The following FAS variants were observed in gnomAD, a reference collection of about 807,000 sequenced individuals.
FAS encodes the protein Fas cell surface death receptor.
FAS carries 5 observed loss-of-function variants against 33.2 expected under a neutral mutation model. The observed-to-expected ratio is 0.15, with a 90% CI of 0.08 to 0.32. The LOEUF (loss-of-function observed/expected upper bound fraction) is 0.32. FAS is among the 10% of genes least tolerant of loss of function. FAS has a pLI of 1.00. For missense variants in FAS, 339 were observed against 386.0 expected, an observed-to-expected ratio of 0.88 and a Z score of 1.02; for synonymous variants, 131 against 130.7, an observed-to-expected ratio of 1.00 and a Z score of -0.01.
intron 2 of FAS, among the ~76,000 whole-genome samples, chr10:88,976,739 A>C (rs1361373058): frequency 1.3e-5 from 2 of 152,260 alleles, no homozygotes; most frequent in Non-Finnish European, 2.9e-5. Flanking sequence ...CTATGATAGA[A>C]ATAAAGTGTT....
At position 89,016,122 on chromosome 10, in the gene FAS, T is replaced by C. The variant is rs909552138; in HGVS notation, c.*1672T>C. The C allele has an allele frequency of 3.6e-5, 8 of 223,682 alleles. No homozygotes were observed. Among genetic ancestry groups the C allele is most frequent in the African/African-American group, 1.8e-4 (8 of 44,718 alleles). 13.9% of individuals were successfully genotyped at this position (223,682 alleles called of 1,614,324 possible). A position where few individuals can be genotyped will look rare whatever the true frequency, so the allele number is the denominator to read the frequency against. ...ATTCTTTCCTGCATATTATCCATTC[T>C]AGCTACATGCTGGCCAGTGGGCCAC... On this transcript the variant is annotated 3_prime_UTR_variant, in exon 9 of 9. Transcript: ENST00000652046.
At position 89,016,387 on chromosome 10, in the gene FAS, T is replaced by C; in HGVS notation, c.*1937T>C. On this transcript the variant is annotated 3_prime_UTR_variant, in exon 9 of 9. Coordinates refer to ENST00000652046, the MANE Select transcript of FAS (RefSeq NM_000043.6). Reference sequence around the variant, plus strand: ...GTGCTGTCTGCTCTCCAGTTTTCTATTTCTAGACAGAAGTAGGGCAAGTTA... The same window carrying C: ...GTGCTGTCTGCTCTCCAGTTTTCTACTTCTAGACAGAAGTAGGGCAAGTTA... 4.6e-6 allele frequency: 1 copy of C among 218,652 alleles called. No homozygotes were observed. The highest frequency in any genetic ancestry group is 9.2e-6 in the Non-Finnish European group (1 of 108,818). 13.5% of individuals were successfully genotyped at this position (218,652 alleles called of 1,614,324 possible).
intron 1 of FAS, among the ~76,000 whole-genome samples, chr10:88,996,038 C>T (rs918971524): frequency 7.2e-5 from 11 of 152,134 alleles, no homozygotes; most frequent in African/African-American, 2.7e-4. Context: ...GATAGCCTGT[C>T]CTTCAATGAA....
chr10:89,010,645 T>C (rs1326273820), intron 5 of FAS, 45 bp downstream of exon 5: 6 of 1,606,146 alleles, frequency 3.7e-6, no homozygotes, highest in African/African-American at 1.3e-5. Context: ...CCCAACCCCA[T>C]GGAAAGATGT....
chr10:89,014,045 G>A, intron 8 of FAS, 74 bp from the exon 9 acceptor site: 1 of 1,466,520 alleles, frequency 6.8e-7, no homozygotes, highest in Non-Finnish European at 9.4e-7. Flanking sequence ...TATAAAAAGA[G>A]AAATAAACAT....
At chr10:89,002,990 A>G in intron 1 of FAS, 39 bp from the exon 2 acceptor site, 1 of 1,612,724 alleles carries the variant, frequency 6.2e-7, no homozygotes. Context: ...TGCTTACTTC[A>G]GAAATCAATA....
chr10:88,993,835 C>T (rs1847419142), intron 1 of FAS, among the ~76,000 whole-genome samples: 1 of 152,088 alleles, frequency 6.6e-6, no homozygotes, highest in South Asian at 2.1e-4. Context: ...ATATTTACAT[C>T]ACAAAGGACT....
intron 1 of FAS, among the ~76,000 whole-genome samples, chr10:88,964,840 C>A (rs918759469): frequency 2.0e-5 from 3 of 152,092 alleles, no homozygotes; most frequent in Admixed American, 6.6e-5. Flanking sequence ...AAGGAGGCAC[C>A]CGTTCTGCTG....
chr10:89,012,950 T>C (rs377496699), intron 7 of FAS: 1 of 156,274 alleles, frequency 6.4e-6, no homozygotes, highest in African/African-American at 2.4e-5. Context: ...TTTAAATTAA[T>C]ATGGTAAAAA....
Position 88,990,809 on chromosome 10 carries a change from C to A in FAS, c.-68C>A, listed in dbSNP as rs755421023. 9 of 1,608,058 alleles carry A rather than the reference C, an allele frequency of 5.6e-6. No individual in the cohort carries two copies. On this transcript the variant is annotated 5_prime_UTR_variant, in exon 1 of 9. Transcript: ENST00000652046. The surrounding 1 kb of genome is among the most constrained non-coding windows in gnomAD (Gnocchi z 4.9). ...CCAGGCGGAGCTGCCTCTTCTCCCG[C>A]GGGTTGGTGGACCCGCTCAGTACGG...
At position 89,014,208 on chromosome 10, in the gene FAS, G is replaced by A. The variant is rs2119445876; in HGVS notation, c.766G>A (p.Glu256Lys). 1 of 1,613,894 alleles carries A rather than the reference G, an allele frequency of 6.2e-7. No homozygotes were observed. The highest frequency in any genetic ancestry group is 8.5e-7 in the Non-Finnish European group (1 of 1,179,914). Residue 256 changes from glutamate (E) to lysine (K), a missense_variant, in exon 9 of 9, where the codon GAA becomes AAA. Glu to Lys is a moderately conservative substitution (Grantham distance 56, BLOSUM62 1). Coordinates refer to ENST00000652046, the MANE Select transcript of FAS (RefSeq NM_000043.6). ...CTTTGTTCGAAAGAATGGTGTCAAT[G>A]AAGCCAAAATAGATGAGATCAAGAA... ...KGFVRKNGVN[E>K]AKIDEIKNDN...
At chr10:89,010,713 G>T in intron 5 of FAS, 40 bp from the exon 6 acceptor site, 1 of 1,612,158 alleles carries the variant, frequency 6.2e-7, no homozygotes, top group Non-Finnish European at 8.5e-7. Context: ...CTTAAAGATT[G>T]CTTATTTTCA....
chr10:89,013,300 T>C (rs1380919138), intron 7 of FAS, 43 bp from the exon 8 acceptor site: 2 of 1,577,712 alleles, frequency 1.3e-6, no homozygotes. Flanking sequence ...TCTAAAGATA[T>C]ATTTTTATTT....
intron 4 of FAS, among the ~76,000 whole-genome samples, chr10:89,010,275 C>T (rs932098659): frequency 3.9e-5 from 6 of 152,162 alleles, no homozygotes; most frequent in African/African-American, 1.4e-4. Flanking sequence ...CACTTCATCT[C>T]TCTTGTGTGT....
intron 2 of FAS, among the ~76,000 whole-genome samples, chr10:89,005,954 T>C (rs933605589): frequency 1.3e-5 from 2 of 152,220 alleles, no homozygotes; most frequent in Non-Finnish European, 2.9e-5. Context: ...CATAAGTTCT[T>C]ATTATACTTT....
At chr10:88,981,457 C>G (rs921855513) in intron 2 of FAS, among the ~76,000 whole-genome samples, 1 of 151,564 alleles carries the variant, frequency 6.6e-6, no homozygotes, top group African/African-American at 2.4e-5. Context: ...TATATTCACA[C>G]CAGGAAAAGT....
intron 5 of FAS, 64 bp downstream of exon 5, chr10:89,010,664 A>C (rs1554851689): frequency 6.2e-7 from 1 of 1,607,078 alleles, no homozygotes; most frequent in Non-Finnish European, 8.5e-7. Flanking sequence ...GTGAAGAAAA[A>C]CCAATCACTC....
At chr10:89,010,155 G>A (rs2133523617) in intron 4 of FAS, among the ~76,000 whole-genome samples, 1 of 152,240 alleles carries the variant, frequency 6.6e-6, no homozygotes, top group Non-Finnish European at 1.5e-5. Flanking sequence ...CATTTTCTTG[G>A]TCTATAGGAA....
At position 89,015,978 on chromosome 10, in the gene FAS, A is replaced by G; in HGVS notation, c.*1528A>G. 1 of 269,744 alleles carries G rather than the reference A, an allele frequency of 3.7e-6. No individual in the cohort carries two copies. Among genetic ancestry groups the G allele is most frequent in the East Asian group, 5.4e-5 (1 of 18,482 alleles). 16.7% of individuals were successfully genotyped at this position (269,744 alleles called of 1,614,324 possible). ...CTATTGCCAAGAAGACCTCTTCCAAACAGCACATGATTATTCGTCAAACAG... is the reference window on the plus strand; with the variant it reads ...CTATTGCCAAGAAGACCTCTTCCAAGCAGCACATGATTATTCGTCAAACAG... On this transcript the variant is annotated 3_prime_UTR_variant, in exon 9 of 9. Coordinates refer to ENST00000652046, the MANE Select transcript of FAS (RefSeq NM_000043.6).
Sources: allele counts gnomAD v4.1 joint callset (sites outside exome capture counted in the v4.1 genomes callset), GRCh38; gene constraint gnomAD v4.1.1; non-coding constraint Gnocchi (gnomAD v3.1); transcripts MANE v1.5; gene names NCBI Gene and HGNC (gene_info 2026-07-23, HGNC 2026-07-21).